Variants in KLHL4 observed in about 807,000 individuals in gnomAD.
KLHL4 encodes the protein kelch like family member 4, also known as kelch-like protein 4.
A neutral mutation model predicts 45.8 loss-of-function variants in KLHL4; 17 were observed. The ratio of observed to expected loss-of-function variants is 0.37; its 90% CI spans 0.25 to 0.56. KLHL4 has a LOEUF of 0.56. KLHL4 is among the 20% of genes least tolerant of loss of function. The probability of loss-of-function intolerance (pLI) is 0.79; values close to 1 mark genes in which losing one functional copy is unlikely to be tolerated. For synonymous variants in KLHL4, 224 were observed against 189.9 expected (o/e 1.18, Z -1.47); for missense variants, 544 against 544.9 (o/e 1.00, Z 0.02).
At position 87,664,852 on chromosome X, in the gene KLHL4, C is replaced by A; in HGVS notation, c.2014C>A (p.Leu672Ile). Residue 672 changes from leucine to isoleucine, a missense_variant, in exon 10 of 11, where the codon CTC becomes ATC. By Grantham distance (5) the Leu-to-Ile change is conservative. Transcript: ENST00000373119. ...AVAVCPLGDK[L>I]YVVGGYDGHT... The stretch of plus-strand genomic sequence containing the variant: ...TGCTGTGTGCCCTCTTGGAGACAAA[C>A]TCTACGTGGTTGGAGGATATGACGG... 8.3e-7 allele frequency: 1 copy of A among 1,200,790 alleles called. No homozygotes were observed. The highest frequency in any genetic ancestry group is 1.1e-6 in the Non-Finnish European group (1 of 885,904).
intron 9 of KLHL4, among the ~76,000 whole-genome samples, chrX:87,649,400 C>T (rs750643953): frequency 6.3e-5 from 7 of 111,253 alleles, no homozygotes; most frequent in South Asian, 3.7e-4. Flanking sequence ...ATAGTAGTTC[C>T]GTACATATTC....
intron 1 of KLHL4, among the ~76,000 whole-genome samples, chrX:87,529,677 T>C (rs1448871268): frequency 1.8e-5 from 2 of 111,841 alleles, no homozygotes; most frequent in Non-Finnish European, 3.8e-5. Flanking sequence ...TACTGCAATA[T>C]TGTGTTTTTC....
In KLHL4 at chrX:87,658,409, C is replaced by T. The variant is rs953432822; in HGVS notation, c.1926-6355C>T. On this transcript the variant is annotated intron_variant, in intron 9 of 10. Transcript: ENST00000373119. ...TATAGTTAGGATATTTATTGGCCACCTTCTATTGGAGCCAGGGTCTGGAAT... is the reference window on the plus strand; with the variant it reads ...TATAGTTAGGATATTTATTGGCCACTTTCTATTGGAGCCAGGGTCTGGAAT... 9.2e-4 allele frequency among the ~76,000 whole-genome samples: 103 copies of T among 111,452 alleles called. 1 individual carries two copies. The highest frequency in any genetic ancestry group is 3.3e-3 in the African/African-American group (100 of 30,638).
At chrX:87,642,514 A>G (rs773712500) in intron 9 of KLHL4, among the ~76,000 whole-genome samples, 1 of 111,949 alleles carries the variant, frequency 8.9e-6, no homozygotes, top group East Asian at 2.8e-4. Context: ...AAAGAATCAC[A>G]CTAGTTCACC....
Position 87,594,362 on chromosome X carries a change from A to G in KLHL4, c.423-19515A>G, listed in dbSNP as rs190462961. On this transcript the variant is annotated intron_variant, in intron 1 of 10. Transcript: ENST00000373119. ...ATTCAATGGCCTCAGAGTGAAGATG[A>G]ATTTGAGTTCTAATTCCTATACGGT... Among the ~76,000 whole-genome samples the G allele has an allele frequency of 2.1e-4, 24 of 111,638 alleles. No individual in the cohort carries two copies. In the Admixed American group the frequency reaches 2.2e-3, roughly 10 times the overall value.
chrX:87,637,942 C>T (rs1274904252), intron 9 of KLHL4, among the ~76,000 whole-genome samples: 1 of 110,932 alleles, frequency 9.0e-6, no homozygotes, highest in Non-Finnish European at 1.9e-5. Context: ...GAGCGAGACT[C>T]CATTGAAAAA....
chrX:87,616,262 T>A (rs1234871971), intron 3 of KLHL4, among the ~76,000 whole-genome samples: 2 of 111,312 alleles, frequency 1.8e-5, no homozygotes, highest in African/African-American at 6.5e-5. Context: ...TATGTAACTC[T>A]AGCGGTATGC....
chrX:87,611,659 C>CATACTATACT (rs201194879), intron 1 of KLHL4, among the ~76,000 whole-genome samples: 24,592 of 101,340 alleles, frequency 0.24, 2,497 homozygotes, highest in African/African-American at 0.32. Context: ...GGTTTAAGTA[C>CATACTATACT]ATACTATACT....
chrX:87,558,034 T>C (rs1371672947), intron 1 of KLHL4, among the ~76,000 whole-genome samples: 1 of 111,729 alleles, frequency 9.0e-6, no homozygotes, highest in Non-Finnish European at 1.9e-5. Context: ...GTCTAAGAAA[T>C]TGCTTAAAGA....
At chrX:87,590,037 T>TA (rs151242094) in intron 1 of KLHL4, among the ~76,000 whole-genome samples, 2,185 of 75,598 alleles carry the variant, frequency 0.029, 35 homozygotes, top group Middle Eastern at 0.041. Context: ...AAACTCCTTC[T>TA]AAAAAAAAAA....
At chrX:87,621,220 T>A (rs1922738582) in intron 4 of KLHL4, among the ~76,000 whole-genome samples, 1 of 111,899 alleles carries the variant, frequency 8.9e-6, no homozygotes, top group South Asian at 3.7e-4. Context: ...CTGGAATATC[T>A]GTTTATTATG....
At chrX:87,657,121 A>G (rs1924017681) in intron 9 of KLHL4, among the ~76,000 whole-genome samples, 1 of 111,721 alleles carries the variant, frequency 9.0e-6, no homozygotes, top group Non-Finnish European at 1.9e-5. Flanking sequence ...TGGATTTTGT[A>G]TTGAGTTGTG....
At chrX:87,665,152 T>C (rs1924326058) in intron 10 of KLHL4, among the ~76,000 whole-genome samples, 1 of 111,493 alleles carries the variant, frequency 9.0e-6, no homozygotes, top group Admixed American at 9.6e-5. Flanking sequence ...CATCAACTTA[T>C]AACCCATCTT....
At chrX:87,600,588 C>G (rs1921988901) in intron 1 of KLHL4, among the ~76,000 whole-genome samples, 1 of 111,880 alleles carries the variant, frequency 8.9e-6, no homozygotes, top group African/African-American at 3.3e-5. Context: ...GCTTTACCTT[C>G]CACCATGATT....
chrX:87,637,803 A>T (rs1236768126), intron 9 of KLHL4, among the ~76,000 whole-genome samples: 2 of 110,775 alleles, frequency 1.8e-5, no homozygotes, highest in Non-Finnish European at 3.8e-5. Flanking sequence ...ACAAAAATCA[A>T]CCTGGCACAG....
intron 9 of KLHL4, among the ~76,000 whole-genome samples, chrX:87,643,535 G>A (rs1028059683): frequency 7.2e-5 from 8 of 111,284 alleles, no homozygotes; most frequent in Non-Finnish European, 1.1e-4. Flanking sequence ...AGAAAAAGAA[G>A]GAACCCTCCC....
chrX:87,548,537 T>A (rs1931732808), intron 1 of KLHL4, among the ~76,000 whole-genome samples: 1 of 111,476 alleles, frequency 9.0e-6, no homozygotes, highest in South Asian at 3.7e-4. Context: ...ACCAAATGAT[T>A]AACTAATCTA....
intron 1 of KLHL4, among the ~76,000 whole-genome samples, chrX:87,556,457 A>G (rs1440183853): frequency 1.9e-5 from 2 of 102,723 alleles, no homozygotes; most frequent in Non-Finnish European, 3.9e-5. Context: ...TCTCACTCAT[A>G]GGTGGGAATT....
At chrX:87,577,194 T>G (rs1423272219) in intron 1 of KLHL4, among the ~76,000 whole-genome samples, 1 of 111,932 alleles carries the variant, frequency 8.9e-6, no homozygotes, top group Non-Finnish European at 1.9e-5. Flanking sequence ...AAACATTAAA[T>G]ATATTTAACC....
Sources: gnomAD v4.1 joint callset for allele counts (sites outside exome capture counted in the v4.1 genomes callset) on GRCh38, gnomAD v4.1.1 for gene constraint, MANE v1.5 for transcripts, NCBI Gene and HGNC (gene_info 2026-07-23, HGNC 2026-07-21) for gene names.